VAPA: variants seen among roughly 807,000 people sequenced by gnomAD.
The protein encoded by VAPA is vesicle-associated membrane protein-associated protein A.
Under a neutral mutation model 25.6 loss-of-function variants are expected in VAPA, and 6 were observed. The ratio of observed to expected loss-of-function variants is 0.23; its 90% CI spans 0.13 to 0.46. The LOEUF (loss-of-function observed/expected upper bound fraction) is 0.46, where lower values mean the gene tolerates loss of function less well. Ranked by LOEUF, VAPA falls within the 20% of genes least tolerant of loss-of-function variation. VAPA has a pLI of 0.99. For missense variants in VAPA, 244 were observed against 302.1 expected, an observed-to-expected ratio of 0.81 and a Z score of 1.43; for synonymous variants, 112 against 106.2, an observed-to-expected ratio of 1.05 and a Z score of -0.34.
In VAPA at chr18:9,957,272, C is replaced by G. The variant is rs946271384; in HGVS notation, c.*3061C>G. On this transcript the variant is annotated 3_prime_UTR_variant, in exon 6 of 6. Coordinates refer to ENST00000400000, the MANE Select transcript of VAPA (RefSeq NM_194434.3). ...GGCTCAAACTCCTGAATCCGCCTGC[C>G]TCGGCCTCCCAAAGTGCTGGGATTA... 5 of 152,170 alleles carry G rather than the reference C, an allele frequency of 3.3e-5. No individual in the cohort carries two copies. The highest frequency in any genetic ancestry group is 1.2e-4 in the African/African-American group (5 of 41,436). 9.4% of individuals were successfully genotyped at this position (152,170 alleles called of 1,614,324 possible).
At chr18:9,939,929 G>A (rs1047225837) in intron 4 of VAPA, among the ~76,000 whole-genome samples, 15 of 152,190 alleles carry the variant, frequency 9.9e-5, no homozygotes, top group Non-Finnish European at 1.6e-4. Context: ...ATTTAAGATT[G>A]TCTGATGGTC....
At chr18:9,952,514 C>T (rs1042883619) in intron 5 of VAPA, among the ~76,000 whole-genome samples, 1 of 148,232 alleles carries the variant, frequency 6.7e-6, no homozygotes, top group East Asian at 2.0e-4. Context: ...TTGCAGTGAG[C>T]GAGATCACGC....
At chr18:9,917,523 C>A (rs1329263818) in intron 1 of VAPA, among the ~76,000 whole-genome samples, 1 of 152,276 alleles carries the variant, frequency 6.6e-6, no homozygotes, top group East Asian at 1.9e-4. Context: ...TCAGGTGATC[C>A]GCCTGCCTTG....
intron 4 of VAPA, among the ~76,000 whole-genome samples, chr18:9,941,332 A>T (rs1204574879): frequency 6.6e-6 from 1 of 152,212 alleles, no homozygotes; most frequent in Middle Eastern, 3.2e-3. Flanking sequence ...TTAGTTGATT[A>T]TGTGACTTTC....
intron 1 of VAPA, among the ~76,000 whole-genome samples, chr18:9,918,399 C>T (rs1279785044): frequency 6.6e-6 from 1 of 152,024 alleles, no homozygotes; most frequent in African/African-American, 2.4e-5. Flanking sequence ...AGTTACTCAC[C>T]TTTTATTCTC....
chr18:9,917,435 C>T (rs569932118), intron 1 of VAPA, among the ~76,000 whole-genome samples: 2 of 152,264 alleles, frequency 1.3e-5, no homozygotes, highest in East Asian at 1.9e-4. Flanking sequence ...GAACTACAGG[C>T]ATGCACTACC....
rs2069236522 is a variant in VAPA at position 9,929,925 on chromosome 18, A to G, written c.80-1885A>G. On this transcript the variant is annotated intron_variant, in intron 1 of 5. Coordinates refer to ENST00000400000, the MANE Select transcript of VAPA (RefSeq NM_194434.3). ...TTTGATATATTATCATCATCTTTAG[A>G]TAATTTATATTTTTATGTCTAGAAA... 2.0e-5 allele frequency among the ~76,000 whole-genome samples: 3 copies of G among 152,256 alleles called. No homozygotes were observed. In the South Asian group the frequency reaches 6.2e-4, roughly 32 times the overall value.
intron 4 of VAPA, chr18:9,948,193 A>G (rs1272841815): frequency 6.6e-6 from 1 of 152,192 alleles, no homozygotes; most frequent in African/African-American, 2.4e-5. Context: ...GATAAATTCT[A>G]ATCTAATTCC....
chr18:9,931,865 A>G lies in VAPA; in HGVS notation c.135A>G (p.Arg45=). ...TNLKLRNPSD[R]KVCFKVKTTA... ...TTAAATTGCGAAATCCATCGGATAG[A>G]AAAGTGTGTTTCAAAGTGAAGACTA... is the stretch of plus-strand genomic sequence containing the variant. The change falls in exon 2 of 6, where the codon AGA becomes AGG. Residue 45 remains arginine, a synonymous_variant. Transcript: ENST00000400000. The G allele has an allele frequency of 1.2e-6, 2 of 1,613,954 alleles. No individual in the cohort carries two copies. Among genetic ancestry groups the G allele is most frequent in the South Asian group, 1.1e-5 (1 of 91,048 alleles).
At chr18:9,926,420 G>C (rs1368162245) in intron 1 of VAPA, among the ~76,000 whole-genome samples, 1 of 152,120 alleles carries the variant, frequency 6.6e-6, no homozygotes, top group Non-Finnish European at 1.5e-5. Flanking sequence ...GCATAGCTAA[G>C]AATTTACAAA....
At chr18:9,925,620 A>G (rs2069194361) in intron 1 of VAPA, among the ~76,000 whole-genome samples, 1 of 152,118 alleles carries the variant, frequency 6.6e-6, no homozygotes, top group Non-Finnish European at 1.5e-5. Context: ...TGGAGCTTAC[A>G]TCAAGTCTGA....
intron 5 of VAPA, chr18:9,951,069 ATAT>A (rs1453329806): frequency 6.6e-6 from 1 of 152,186 alleles, no homozygotes; most frequent in African/African-American, 2.4e-5. Context: ...TGAATCAAAT[ATAT>A]TATTAAAATG....
At chr18:9,928,475 T>C (rs1412986710) in intron 1 of VAPA, among the ~76,000 whole-genome samples, 1 of 152,040 alleles carries the variant, frequency 6.6e-6, no homozygotes, top group Non-Finnish European at 1.5e-5. Context: ...ATCCTGACTT[T>C]TATGGTGGCC....
At chr18:9,937,283 G>A (rs1293188005) in intron 4 of VAPA, among the ~76,000 whole-genome samples, 1 of 143,648 alleles carries the variant, frequency 7.0e-6, no homozygotes, top group Admixed American at 7.2e-5. Context: ...CTCACTTTTA[G>A]GTCAAGACTG....
chr18:9,949,467 GGT>G (rs2143428677), intron 4 of VAPA: 1 of 152,288 alleles, frequency 6.6e-6, no homozygotes, highest in South Asian at 2.1e-4. Context: ...CAGCTGGGAT[GGT>G]GTGGTAGGTG....
intron 4 of VAPA, among the ~76,000 whole-genome samples, chr18:9,946,716 T>C (rs1384125849): frequency 6.6e-6 from 1 of 151,848 alleles, no homozygotes; most frequent in African/African-American, 2.4e-5. Context: ...AGTGAATGAG[T>C]GGTGAGTGAA....
At chr18:9,916,747 A>C (rs2069114959) in intron 1 of VAPA, among the ~76,000 whole-genome samples, 1 of 152,218 alleles carries the variant, frequency 6.6e-6, no homozygotes, top group Non-Finnish European at 1.5e-5. Context: ...AAAATCATTT[A>C]ACTGACTTAC....
intron 2 of VAPA, among the ~76,000 whole-genome samples, chr18:9,935,344 GGCGGATCTCTTGA>G (rs1461831693): frequency 6.6e-6 from 1 of 152,142 alleles, no homozygotes; most frequent in Non-Finnish European, 1.5e-5. Context: ...GGCTGAGGAG[GGCGGATCTCTTGA>G]GCCCAGGAAT....
At chr18:9,953,830 A>G (rs1419165700) in intron 5 of VAPA, among the ~76,000 whole-genome samples, 1 of 152,242 alleles carries the variant, frequency 6.6e-6, no homozygotes. Flanking sequence ...GTGAGTGTAC[A>G]ATTCATTGAT....
Sources: allele counts gnomAD v4.1 joint callset (sites outside exome capture counted in the v4.1 genomes callset), GRCh38; gene constraint gnomAD v4.1.1; transcripts MANE v1.5; gene names NCBI Gene and HGNC (gene_info 2026-07-23, HGNC 2026-07-21).